SLC3A2: variants seen among roughly 807,000 people sequenced by gnomAD.
SLC3A2 encodes the protein solute carrier family 3 member 2, also known as amino acid transporter heavy chain SLC3A2.
A neutral mutation model predicts 48.5 loss-of-function variants in SLC3A2; 32 were observed. That is an observed-to-expected ratio of 0.66 (90% CI 0.50 to 0.89). The LOEUF is 0.89. Among genes scored for constraint, SLC3A2 ranks in the 40% least tolerant of loss-of-function variants. SLC3A2 has a pLI of 0.00. For missense variants in SLC3A2, 587 were observed against 680.7 expected (o/e 0.86, Z 1.53); for synonymous variants, 277 against 288.8 (o/e 0.96, Z 0.41).
At position 62,881,592 on chromosome 11, in the gene SLC3A2, C is replaced by T. The variant is rs1020478207; in HGVS notation, c.424+145C>T. 1.4e-5 allele frequency: 16 copies of T among 1,178,738 alleles called. No individual in the cohort carries two copies. The highest frequency in any genetic ancestry group is 1.7e-5 in the Non-Finnish European group (15 of 865,342). 73.0% of individuals were successfully genotyped at this position (1,178,738 alleles called of 1,614,324 possible). A position where few individuals can be genotyped will look rare whatever the true frequency, so the allele number is the denominator to read the frequency against. The stretch of plus-strand genomic sequence containing the variant: ...TGTTCCCCCTTCCCCCACCCCCTCC[C>T]CGGCACATTGTCCTTCCCTCCTTTC... On this transcript the variant is annotated intron_variant, in intron 1 of 8. Coordinates refer to ENST00000338663, the MANE Select transcript of SLC3A2 (RefSeq NM_001013251.3). The surrounding 1 kb of genome is among the most constrained non-coding windows in gnomAD (Gnocchi z 4.0).
At chr11:62,873,648 T>C (rs2085540800) in intron 1 of SLC3A2, among the ~76,000 whole-genome samples, 1 of 152,100 alleles carries the variant, frequency 6.6e-6, no homozygotes, top group South Asian at 2.1e-4. Flanking sequence ...AATCAAACTT[T>C]TTTTTATAGA....
At chr11:62,878,150 C>T (rs1465775980), upstream of SLC3A2, among the ~76,000 whole-genome samples, 3 of 151,226 alleles carry the variant, frequency 2.0e-5, no homozygotes. Context: ...CAGTGTGAGA[C>T]CCTGTCTCAA....
At chr11:62,887,088 A>G (rs558379813) in intron 7 of SLC3A2, among the ~76,000 whole-genome samples, 3 of 152,232 alleles carry the variant, frequency 2.0e-5, no homozygotes, top group Non-Finnish European at 2.9e-5. Context: ...ACAGATGTTT[A>G]TAGAATAATT....
chr11:62,858,408 G>C (rs2085361540), intron 1 of SLC3A2, among the ~76,000 whole-genome samples: 2 of 152,130 alleles, frequency 1.3e-5, no homozygotes, highest in Non-Finnish European at 2.9e-5. Context: ...ATTTACTCAC[G>C]TTGAAATGTT....
intron 1 of SLC3A2, among the ~76,000 whole-genome samples, chr11:62,867,794 A>T (rs953409047): frequency 6.6e-6 from 1 of 151,226 alleles, no homozygotes; most frequent in Non-Finnish European, 1.5e-5. Flanking sequence ...TTTTTCTTTA[A>T]CATTATGTTT....
intron 1 of SLC3A2, chr11:62,870,769 A>T: frequency 4.9e-6 from 1 of 202,360 alleles, no homozygotes; most frequent in Non-Finnish European, 9.5e-6. Flanking sequence ...TGTGTTGCCC[A>T]GACTGGTCTC....
At chr11:62,886,733 G>T (rs931522516) in intron 7 of SLC3A2, among the ~76,000 whole-genome samples, 5 of 149,086 alleles carry the variant, frequency 3.4e-5, no homozygotes, top group African/African-American at 1.2e-4. Flanking sequence ...GGGAATACAG[G>T]TGGTCTGGGA....
chr11:62,872,283 G>T (rs543983507), intron 1 of SLC3A2, among the ~76,000 whole-genome samples: 2 of 152,284 alleles, frequency 1.3e-5, no homozygotes, highest in African/African-American at 4.8e-5. Context: ...TAGCACTTTG[G>T]GAGGCAGATC....
chr11:62,870,604 G>A (rs892439119), intron 1 of SLC3A2: 2 of 151,750 alleles, frequency 1.3e-5, no homozygotes, highest in African/African-American at 4.9e-5. Flanking sequence ...TATCTCTGTC[G>A]TATATTGTTT....
At chr11:62,868,437 C>A (rs1417694950) in intron 1 of SLC3A2, among the ~76,000 whole-genome samples, 1 of 149,042 alleles carries the variant, frequency 6.7e-6, no homozygotes, top group Non-Finnish European at 1.5e-5. Context: ...ACGATCTCCA[C>A]TCACTGCAAC....
At position 62,881,270 on chromosome 11, in the gene SLC3A2, G is replaced by A. The variant is rs1317035728; in HGVS notation, c.247G>A (p.Ala83Thr). The A allele has an allele frequency of 6.3e-7, 1 of 1,588,170 alleles. No homozygotes were observed. The highest frequency in any genetic ancestry group is 1.1e-5 in the South Asian group (1 of 87,602). The change falls in exon 1 of 9, where the codon GCA (alanine) becomes ACA (threonine). Residue 83 changes from alanine (A) to threonine (T), a missense_variant. Coordinates refer to ENST00000338663, the MANE Select transcript of SLC3A2 (RefSeq NM_001013251.3). This position sits in a 1 kb window ranked among gnomAD's most constrained non-coding sequence, Gnocchi z 4.0. ...GSPGWVRTRW[A>T]LLLLFWLGWL... ...CCCCGGCTGGGTACGCACCCGCTGG[G>A]CACTGCTGCTGCTCTTCTGGCTCGG...
At chr11:62,860,597 G>A (rs924960120) in intron 1 of SLC3A2, among the ~76,000 whole-genome samples, 1 of 152,140 alleles carries the variant, frequency 6.6e-6, no homozygotes, top group African/African-American at 2.4e-5. Context: ...GGAGACAGAT[G>A]CCTTCCTCTT....
chr11:62,881,744 GCTC>G lies in SLC3A2; in HGVS notation c.425-145_425-143del. ...GTAATGTGCAGGACTCCTTACATCA[GCTC>G]CTCTGAGTCTCGTGATTCAGCCTTG... On this transcript the variant is annotated intron_variant, in intron 1 of 8. Coordinates refer to ENST00000338663, the MANE Select transcript of SLC3A2 (RefSeq NM_001013251.3). This position sits in a 1 kb window ranked among gnomAD's most constrained non-coding sequence, Gnocchi z 4.0. The G allele has an allele frequency of 2.2e-6, 2 of 929,132 alleles. No homozygotes were observed. The highest frequency in any genetic ancestry group is 3.2e-6 in the Non-Finnish European group (2 of 624,742). 57.6% of individuals were successfully genotyped at this position (929,132 alleles called of 1,614,324 possible).
chr11:62,882,173 T>C (rs1028410617), intron 2 of SLC3A2, 107 bp downstream of exon 2: 1 of 1,310,904 alleles, frequency 7.6e-7, no homozygotes, highest in Non-Finnish European at 1.1e-6. Flanking sequence ...TGAGTTTTCC[T>C]AGGGCAGGTA....
intron 1 of SLC3A2, among the ~76,000 whole-genome samples, chr11:62,871,968 G>A (rs899955356): frequency 2.6e-5 from 4 of 151,722 alleles, no homozygotes; most frequent in Non-Finnish European, 4.4e-5. Flanking sequence ...GCTGGAGTGC[G>A]GTGGCGTGAT....
intron 1 of SLC3A2, among the ~76,000 whole-genome samples, chr11:62,873,622 C>A (rs1188678475): frequency 6.6e-6 from 1 of 152,058 alleles, no homozygotes; most frequent in Non-Finnish European, 1.5e-5. Flanking sequence ...GCCACCACAC[C>A]CGGCCAGCTA....
chr11:62,885,329 C>T lies in SLC3A2; in HGVS notation c.971C>T (p.Ala324Val), dbSNP rs773691523. ...TKSLVTQYLN[A>V]TGNRWCSWSL... The stretch of plus-strand genomic sequence containing the variant: ...TCCCTAGTCACACAGTATTTGAATG[C>T]CACTGGCAATCGCTGGTGCAGCTGG... Residue 324 changes from alanine (A) to valine (V), a missense_variant, in exon 6 of 9, where the codon GCC becomes GTC. Transcript: ENST00000338663. 6 of 1,614,080 alleles carry T rather than the reference C, an allele frequency of 3.7e-6. No homozygotes were observed. The Admixed American group carries it at 8.3e-5, about 22-fold the overall frequency.
Position 62,888,237 on chromosome 11 carries a change from T to C in SLC3A2, c.1227+19T>C. 1 of 1,613,016 alleles carries C rather than the reference T, an allele frequency of 6.2e-7. No homozygotes were observed. Among genetic ancestry groups the C allele is most frequent in the African/African-American group, 1.3e-5 (1 of 75,008 alleles). Reference sequence around the variant, plus strand: ...TGTGAAGGTAAGAGTTCTAGATGGGTAGAAACTGACCGGTGGAGGGTGGGC... The same window carrying C: ...TGTGAAGGTAAGAGTTCTAGATGGGCAGAAACTGACCGGTGGAGGGTGGGC... On this transcript the variant is annotated intron_variant, in intron 8 of 8. Coordinates refer to ENST00000338663, the MANE Select transcript of SLC3A2 (RefSeq NM_001013251.3).
At chr11:62,880,829 C>T (rs1309604774), upstream of SLC3A2, 2 of 1,256,234 alleles carry the variant, frequency 1.6e-6, no homozygotes. Flanking sequence ...CCCGAGGTTC[C>T]ACCTTAAGGG....
Sources: allele counts gnomAD v4.1 joint callset (sites outside exome capture counted in the v4.1 genomes callset), GRCh38; gene constraint gnomAD v4.1.1; non-coding constraint Gnocchi (gnomAD v3.1); transcripts MANE v1.5; gene names NCBI Gene and HGNC (gene_info 2026-07-23, HGNC 2026-07-21).